Variants in MYH10 observed in about 807,000 individuals in gnomAD.
The protein encoded by MYH10 is myosin-10.
A neutral mutation model predicts 257.8 loss-of-function variants in MYH10; 55 were observed. The ratio of observed to expected loss-of-function variants is 0.21; its 90% CI spans 0.17 to 0.27. MYH10 has a LOEUF of 0.27. Ranked by LOEUF, MYH10 falls within the 10% of genes least tolerant of loss-of-function variation. MYH10 has a pLI of 1.00. For synonymous variants in MYH10, 854 were observed against 921.7 expected (o/e 0.93, Z 1.33); for missense variants, 1,631 against 2,500.6 (o/e 0.65, Z 7.42).
In MYH10 at chr17:8,504,987, G is replaced by C. The variant is rs1482894135; in HGVS notation, c.3387-81C>G. 8.3e-7 allele frequency: 1 copy of C among 1,203,688 alleles called. No homozygotes were observed. The highest frequency in any genetic ancestry group is 1.2e-6 in the Non-Finnish European group (1 of 822,724). The allele number at this position is 1,203,688 out of a possible 1,614,324, so 74.6% of individuals were successfully genotyped here. ...TTCTCAGGCGAGCCCCAGCCCCTGA[G>C]CACCTCTCCACGAGACCCCAGCCCC... On this transcript the variant is annotated intron_variant, in intron 27 of 42. Coordinates refer to ENST00000360416, the MANE Select transcript of MYH10 (RefSeq NM_001256012.3). This position sits in a 1 kb window ranked among gnomAD's most constrained non-coding sequence, Gnocchi z 5.6.
In MYH10 at chr17:8,569,439, T is replaced by C. The variant is rs1350104252; in HGVS notation, c.756+281A>G. Among the ~76,000 whole-genome samples the C allele has an allele frequency of 1.3e-5, 2 of 152,128 alleles. No homozygotes were observed. Among genetic ancestry groups the C allele is most frequent in the African/African-American group, 4.8e-5 (2 of 41,440 alleles). ...TGTTATTATCATGCCCAATCAAAGA[T>C]AAATAAGCTCAGAGAGGTTAAATTA... is the stretch of plus-strand genomic sequence containing the variant. On this transcript the variant is annotated intron_variant, in intron 7 of 42. Coordinates refer to ENST00000360416, the MANE Select transcript of MYH10 (RefSeq NM_001256012.3). This position sits in a 1 kb window ranked among gnomAD's most constrained non-coding sequence, Gnocchi z 4.1.
chr17:8,556,839 A>G (rs982413533), intron 7 of MYH10, among the ~76,000 whole-genome samples: 1 of 152,208 alleles, frequency 6.6e-6, no homozygotes, highest in African/African-American at 2.4e-5. Context: ...AATATAACTC[A>G]ACATCTGTTT....
At chr17:8,557,600 T>C (rs954354807) in intron 7 of MYH10, among the ~76,000 whole-genome samples, 1 of 152,210 alleles carries the variant, frequency 6.6e-6, no homozygotes, top group African/African-American at 2.4e-5. Flanking sequence ...ACTCAGGCAC[T>C]ATGTCGTCAT....
chr17:8,543,713 C>A (rs1312953911), intron 13 of MYH10, among the ~76,000 whole-genome samples: 1 of 152,162 alleles, frequency 6.6e-6, no homozygotes, highest in South Asian at 2.1e-4. Context: ...ACCTCGTGAT[C>A]CACCTGCCTC....
chr17:8,506,419 C>A lies in MYH10; in HGVS notation c.3285G>T (p.Thr1095=), dbSNP rs1188964139. 1.9e-6 allele frequency: 3 copies of A among 1,612,778 alleles called. No individual in the cohort carries two copies. Among genetic ancestry groups the A allele is most frequent in the Non-Finnish European group, 2.5e-6 (3 of 1,179,636 alleles). Residue 1095 remains threonine, a synonymous_variant, in exon 27 of 43, where the codon ACG becomes ACT. Coordinates refer to ENST00000360416, the MANE Select transcript of MYH10 (RefSeq NM_001256012.3). The surrounding 1 kb of genome is among the most constrained non-coding windows in gnomAD (Gnocchi z 5.0). ...EKAKRKLDGE[T]TDLQDQIAEL... is the part of the protein sequence containing the mutation. ...CTGCGATCTGGTCCTGCAGGTCGGT[C>A]GTCTCCCCGTCGAGTTTTCTTTTGG...
intron 7 of MYH10, among the ~76,000 whole-genome samples, chr17:8,567,529 T>C (rs2083201922): frequency 6.6e-6 from 1 of 152,168 alleles, no homozygotes; most frequent in South Asian, 2.1e-4. Context: ...CAGGACCTCA[T>C]GATGGAACTG....
At chr17:8,578,045 G>C (rs1278907814) in intron 4 of MYH10, among the ~76,000 whole-genome samples, 1 of 152,080 alleles carries the variant, frequency 6.6e-6, no homozygotes, top group Non-Finnish European at 1.5e-5. Flanking sequence ...TGAAGCAGCT[G>C]AAAGAACTCT....
intron 38 of MYH10, 150 bp from the exon 39 acceptor site, chr17:8,480,675 AG>A: frequency 9.9e-7 from 1 of 1,008,484 alleles, no homozygotes; most frequent in Non-Finnish European, 1.5e-6. Context: ...CAAATCCATC[AG>A]TAGGTCCCAC....
intron 3 of MYH10, among the ~76,000 whole-genome samples, chr17:8,596,213 C>T (rs2084365353): frequency 6.7e-6 from 1 of 148,922 alleles, no homozygotes; most frequent in Non-Finnish European, 1.5e-5. Context: ...AGTGCAGTGG[C>T]GCGATCTTGG....
chr17:8,599,250 C>T (rs998705919), intron 3 of MYH10, among the ~76,000 whole-genome samples: 2 of 152,080 alleles, frequency 1.3e-5, no homozygotes, highest in African/African-American at 4.8e-5. Flanking sequence ...ATGGAATAGA[C>T]ACCACATTTG....
intron 14 of MYH10, among the ~76,000 whole-genome samples, chr17:8,540,236 C>G (rs2082256516): frequency 6.6e-6 from 1 of 152,196 alleles, no homozygotes; most frequent in Admixed American, 6.5e-5. Context: ...CTCAAGTGAT[C>G]TGCCTGCCTC....
intron 40 of MYH10, among the ~76,000 whole-genome samples, 175 bp downstream of exon 40, chr17:8,479,935 G>C (rs4791316): frequency 0.95 from 144,253 of 152,298 alleles, 68,845 homozygotes; most frequent in East Asian, 1. Flanking sequence ...GTCCTCCCAG[G>C]CTCTGAATGC....
In MYH10 at chr17:8,545,609, A is replaced by G; in HGVS notation, c.1279-9T>C. 6.2e-7 allele frequency: 1 copy of G among 1,605,760 alleles called. No homozygotes were observed. Among genetic ancestry groups the G allele is most frequent in the Non-Finnish European group, 8.5e-7 (1 of 1,177,764 alleles). On this transcript the variant is annotated splice_polypyrimidine_tract_variant and intron_variant, in intron 12 of 42. Transcript: ENST00000360416. This position sits in a 1 kb window ranked among gnomAD's most constrained non-coding sequence, Gnocchi z 4.7. ...TCTACTGCAAAATCTGCCTGTAATT[A>G]AATCACAACAACCTTTTATTCTGGA...
At position 8,481,369 on chromosome 17, in the gene MYH10, C is replaced by T; in HGVS notation, c.5217G>A (p.Gln1739=). The stretch of plus-strand genomic sequence containing the variant: ...TCTCGTCCGCCAGCTCATCTCTCTC[C>T]TGCTCGGCGTGTCGGCGGGCTCGCT... ...SSERARRHAE[Q]ERDELADEIT... is the part of the protein sequence containing the mutation. The change falls in exon 38 of 43, where the codon CAG becomes CAA. Residue 1739 remains glutamine (Q), a synonymous_variant. Transcript: ENST00000360416. The T allele has an allele frequency of 3.1e-6, 5 of 1,614,144 alleles. No individual in the cohort carries two copies. The highest frequency in any genetic ancestry group is 4.2e-6 in the Non-Finnish European group (5 of 1,180,028).
chr17:8,480,602 C>T, intron 38 of MYH10, 77 bp from the exon 39 acceptor site: 2 of 1,574,846 alleles, frequency 1.3e-6, no homozygotes, highest in Non-Finnish European at 1.7e-6. Context: ...GCTCCTCCAC[C>T]CACCCTGTTG....
chr17:8,562,852 T>G (rs907112955), intron 7 of MYH10, among the ~76,000 whole-genome samples: 1 of 152,228 alleles, frequency 6.6e-6, no homozygotes, highest in South Asian at 2.1e-4. Context: ...GATATTTTCA[T>G]ACCCTGAAGA....
At chr17:8,591,905 TTCTC>T (rs1467375250) in intron 3 of MYH10, among the ~76,000 whole-genome samples, 1 of 152,186 alleles carries the variant, frequency 6.6e-6, no homozygotes, top group East Asian at 1.9e-4. Flanking sequence ...ACCTCCCAGA[TTCTC>T]TCCAACTCTG....
At chr17:8,561,205 C>T in intron 7 of MYH10, 1 of 756,936 alleles carries the variant, frequency 1.3e-6, no homozygotes, top group South Asian at 1.4e-5. Flanking sequence ...TTTGGGGCCT[C>T]TCCTCTCCGG....
Position 8,572,888 on chromosome 17 carries a change from C to T in MYH10, c.664-3076G>A, listed in dbSNP as rs1420937688. ...TATAGAAATTAACATGAGATAATTT[C>T]TGTGTTGAACAATTTCATAATTAGA... On this transcript the variant is annotated intron_variant, in intron 6 of 42. Coordinates refer to ENST00000360416, the MANE Select transcript of MYH10 (RefSeq NM_001256012.3). Among the ~76,000 whole-genome samples, 4 of 152,180 alleles carry T rather than the reference C, an allele frequency of 2.6e-5. No homozygotes were observed. The East Asian group carries it at 7.7e-4, about 29-fold the overall frequency.
Sources: gnomAD v4.1 joint callset for allele counts (sites outside exome capture counted in the v4.1 genomes callset) on GRCh38, gnomAD v4.1.1 for gene constraint, Gnocchi (gnomAD v3.1) non-coding constraint, MANE v1.5 for transcripts, NCBI Gene and HGNC (gene_info 2026-07-23, HGNC 2026-07-21) for gene names.